Variants in CDC73 observed in about 807,000 individuals in gnomAD.
CDC73 encodes parafibromin.
CDC73 carries 21 observed loss-of-function variants against 83.7 expected under a neutral mutation model. The observed-to-expected ratio is 0.25, with a 90% CI of 0.18 to 0.36. The LOEUF (loss-of-function observed/expected upper bound fraction) is 0.36. CDC73 is among the 10% of genes least tolerant of loss of function. CDC73 has a pLI of 1.00. For synonymous variants in CDC73, 224 were observed against 212.9 expected (o/e 1.05, Z -0.45); for missense variants, 342 against 653.3 (o/e 0.52, Z 5.19).
rs1305236786 is a variant in CDC73, at chr1:193,122,077, G to C, written c.-124G>C. ...GTAGGCGAGGACGGCTGTTAGTGCT[G>C]CTGCTGTTGGTTCGTCGCGGCGGCG... On this transcript the variant is annotated 5_prime_UTR_variant, in exon 1 of 17. Coordinates refer to ENST00000367435, the MANE Select transcript of CDC73 (RefSeq NM_024529.5). 1.1e-5 allele frequency: 10 copies of C among 890,110 alleles called. No homozygotes were observed. The highest frequency in any genetic ancestry group is 8.2e-5 in the Admixed American group (4 of 49,038). The allele number at this position is 890,110 out of a possible 1,614,324, so 55.1% of individuals were successfully genotyped here.
At chr1:193,138,481 G>A (rs1184894700) in intron 6 of CDC73, among the ~76,000 whole-genome samples, 1 of 152,146 alleles carries the variant, frequency 6.6e-6, no homozygotes, top group South Asian at 2.1e-4. Flanking sequence ...AGCTTTTTCT[G>A]GAAAGTGCCA....
intron 14 of CDC73, among the ~76,000 whole-genome samples, chr1:193,233,464 C>A (rs1200209065): frequency 6.6e-6 from 1 of 152,196 alleles, no homozygotes; most frequent in Non-Finnish European, 1.5e-5. Context: ...TAGAAACTGT[C>A]TTTGAAAAGT....
chr1:193,224,470 ATT>A (rs1244138925), intron 13 of CDC73, among the ~76,000 whole-genome samples: 1 of 151,948 alleles, frequency 6.6e-6, no homozygotes, highest in Non-Finnish European at 1.5e-5. Flanking sequence ...CACATACGAA[ATT>A]TATGCATTCA....
chr1:193,237,844 A>G (rs1677790106), intron 15 of CDC73, among the ~76,000 whole-genome samples: 1 of 152,174 alleles, frequency 6.6e-6, no homozygotes, highest in Admixed American at 6.5e-5. Context: ...TCGTTCGGCC[A>G]GGATCTGCAG....
chr1:193,243,587 A>G (rs1677899730), intron 15 of CDC73, among the ~76,000 whole-genome samples: 1 of 152,234 alleles, frequency 6.6e-6, no homozygotes, highest in Admixed American at 6.5e-5. Flanking sequence ...TGATTAGCAA[A>G]TAGTTGAACA....
chr1:193,139,589 C>A (rs1182155772), intron 6 of CDC73, among the ~76,000 whole-genome samples: 1 of 152,176 alleles, frequency 6.6e-6, no homozygotes. Context: ...TGCTTTATTA[C>A]ATTTTCCTGC....
intron 3 of CDC73, among the ~76,000 whole-genome samples, chr1:193,130,520 A>G (rs1441753469): frequency 2.6e-5 from 4 of 152,156 alleles, no homozygotes; most frequent in Admixed American, 6.5e-5. Flanking sequence ...TCAGTTTTCT[A>G]CTTTCTTCTG....
At position 193,178,074 on chromosome 1, in the gene CDC73, A is replaced by T. The variant is rs1676642919; in HGVS notation, c.972+25630A>T. Among the ~76,000 whole-genome samples the T allele has an allele frequency of 3.9e-5, 6 of 152,316 alleles. No individual in the cohort carries two copies. In the South Asian group the frequency reaches 1.2e-3, roughly 32 times the overall value. The stretch of plus-strand genomic sequence containing the variant: ...TCGGGATGAAGAAGACACAGTTAAC[A>T]AGTGGTGAGATGTTTATATACACTA... On this transcript the variant is annotated intron_variant, in intron 10 of 16. Transcript: ENST00000367435.
intron 5 of CDC73, among the ~76,000 whole-genome samples, chr1:193,137,858 T>C (rs998277232): frequency 2.0e-5 from 3 of 152,216 alleles, no homozygotes; most frequent in Admixed American, 6.5e-5. Flanking sequence ...AAAAAGTAGC[T>C]AAGCAAGTTT....
At chr1:193,156,229 G>A (rs978527473) in intron 10 of CDC73, among the ~76,000 whole-genome samples, 3 of 152,106 alleles carry the variant, frequency 2.0e-5, no homozygotes, top group Non-Finnish European at 4.4e-5. Flanking sequence ...TTTGGTAGTT[G>A]CCTTGAGAAC....
intron 3 of CDC73, among the ~76,000 whole-genome samples, chr1:193,131,748 C>T (rs1675697853): frequency 6.6e-6 from 1 of 152,220 alleles, no homozygotes; most frequent in Admixed American, 6.5e-5. Context: ...TCACATGGCT[C>T]ACTTGCTTAC....
chr1:193,224,163 G>C (rs1268962530), intron 13 of CDC73, among the ~76,000 whole-genome samples: 1 of 151,218 alleles, frequency 6.6e-6, no homozygotes, highest in Non-Finnish European at 1.5e-5. Flanking sequence ...CACCCTTCCT[G>C]GTCTCTGATA....
chr1:193,122,206 G>A lies in CDC73; in HGVS notation c.6G>A (p.Ala2=), dbSNP rs1477227787. The change falls in exon 1 of 17, where the codon GCG becomes GCA. Residue 2 remains alanine (A), a synonymous_variant. Transcript: ENST00000367435. M[A]DVLSVLRQYN... ...CGGAGGCGAGGGGGGGGAAGATGGCGGACGTGCTTAGCGTCCTGCGACAGT... is the reference window on the plus strand; with the variant it reads ...CGGAGGCGAGGGGGGGGAAGATGGCAGACGTGCTTAGCGTCCTGCGACAGT... The A allele has an allele frequency of 6.2e-7, 1 of 1,613,614 alleles. No individual in the cohort carries two copies. Among genetic ancestry groups the A allele is most frequent in the African/African-American group, 1.3e-5 (1 of 74,926 alleles).
intron 13 of CDC73, among the ~76,000 whole-genome samples, chr1:193,229,323 C>T (rs1677617063): frequency 6.6e-6 from 1 of 152,222 alleles, no homozygotes; most frequent in African/African-American, 2.4e-5. Context: ...CTGCTGTATA[C>T]TGAACATTTG....
At chr1:193,130,372 T>C (rs868804842) in intron 3 of CDC73, 129 bp downstream of exon 3, 7 of 717,154 alleles carry the variant, frequency 9.8e-6, no homozygotes, top group East Asian at 2.7e-5. Flanking sequence ...TTTTTGTCCA[T>C]GTGCTCACCT....
At chr1:193,234,470 C>T (rs929860931) in intron 14 of CDC73, among the ~76,000 whole-genome samples, 12 of 151,182 alleles carry the variant, frequency 7.9e-5, no homozygotes, top group African/African-American at 2.9e-4. Context: ...AGTTATATCA[C>T]TTGTATTTTA....
At chr1:193,220,831 T>C (rs947945868) in intron 13 of CDC73, among the ~76,000 whole-genome samples, 3 of 152,344 alleles carry the variant, frequency 2.0e-5, no homozygotes, top group East Asian at 3.9e-4. Flanking sequence ...GAACAAGATA[T>C]ACTTTTGGTC....
intron 1 of CDC73, among the ~76,000 whole-genome samples, chr1:193,123,196 A>C (rs1380898022): frequency 6.6e-6 from 1 of 152,168 alleles, no homozygotes; most frequent in African/African-American, 2.4e-5. Flanking sequence ...AGAGTCGATG[A>C]AAAACTAGGG....
chr1:193,130,378 C>G lies in CDC73; in HGVS notation c.307+135C>G, dbSNP rs1675673955. 7.0e-6 allele frequency: 5 copies of G among 709,230 alleles called. No individual in the cohort carries two copies. In the East Asian group the frequency reaches 1.3e-4, roughly 19 times the overall value. The allele number at this position is 709,230 out of a possible 1,614,324, so 43.9% of individuals were successfully genotyped here. A position where few individuals can be genotyped will look rare whatever the true frequency, so the allele number is the denominator to read the frequency against. On this transcript the variant is annotated intron_variant, in intron 3 of 16. Transcript: ENST00000367435. ...CTACCTTCATTTTTGTCCATGTGCT[C>G]ACCTTTTTCTTATACAGTGGATGCA...
Sources: gnomAD v4.1 joint callset for allele counts (sites outside exome capture counted in the v4.1 genomes callset) on GRCh38, gnomAD v4.1.1 for gene constraint, MANE v1.5 for transcripts, NCBI Gene and HGNC (gene_info 2026-07-23, HGNC 2026-07-21) for gene names.